The following EXOC6B variants were observed in gnomAD, a reference collection of about 807,000 sequenced individuals.
EXOC6B encodes exocyst complex component 6B.
Under a neutral mutation model 113.5 loss-of-function variants are expected in EXOC6B, and 54 were observed. That is an observed-to-expected ratio of 0.48 (90% CI 0.38 to 0.60). The LOEUF (loss-of-function observed/expected upper bound fraction) is 0.60. EXOC6B is among the 20% of genes least tolerant of loss of function. EXOC6B has a pLI of 0.00. For missense variants in EXOC6B, 797 were observed against 977.5 expected (o/e 0.82, Z 2.46); for synonymous variants, 357 against 339.0 (o/e 1.05, Z -0.58).
At chr2:72,593,988 T>C (rs1271354129) in intron 6 of EXOC6B, among the ~76,000 whole-genome samples, 1 of 152,164 alleles carries the variant, frequency 6.6e-6, no homozygotes, top group East Asian at 1.9e-4. Context: ...ATTGTTGTTG[T>C]TGCTGTTGTT....
chr2:72,769,279 CAAACAAAAGAGT>C lies in EXOC6B; in HGVS notation c.114-27822_114-27811del, dbSNP rs565335899. On this transcript the variant is annotated intron_variant, in intron 1 of 21. Transcript: ENST00000272427. ...AGAGATGGAGGAGGAAATGAAGAAT[CAAACAAAAGAGT>C]AAACATACATGAATGGTGACTCTAC... 1.6e-3 allele frequency among the ~76,000 whole-genome samples: 246 copies of C among 152,008 alleles called. 2 individuals carry two copies. Among genetic ancestry groups the C allele is most frequent in the African/African-American group, 3.1e-3 (129 of 41,464 alleles).
chr2:72,515,448 T>G, intron 8 of EXOC6B: 2 of 1,102,294 alleles, frequency 1.8e-6, no homozygotes, highest in South Asian at 3.3e-5. Context: ...TTCCATAAGT[T>G]ATGATAACAG....
intron 18 of EXOC6B, among the ~76,000 whole-genome samples, chr2:72,460,592 A>G (rs1697566564): frequency 6.6e-6 from 1 of 152,240 alleles, no homozygotes; most frequent in African/African-American, 2.4e-5. Context: ...ATGCAGCCAG[A>G]AAACACATGA....
At chr2:72,215,514 T>C (rs2104403205) in intron 20 of EXOC6B, among the ~76,000 whole-genome samples, 1 of 152,190 alleles carries the variant, frequency 6.6e-6, no homozygotes, top group South Asian at 2.1e-4. Flanking sequence ...AAAAACTTCA[T>C]AGGAAGTTGA....
chr2:72,390,926 C>G (rs1163667827), intron 18 of EXOC6B, among the ~76,000 whole-genome samples: 1 of 152,174 alleles, frequency 6.6e-6, no homozygotes, highest in African/African-American at 2.4e-5. Context: ...TCAGCCAAAG[C>G]CTCAAAAGAA....
At chr2:72,546,436 C>T (rs1702903038) in intron 8 of EXOC6B, among the ~76,000 whole-genome samples, 1 of 151,802 alleles carries the variant, frequency 6.6e-6, no homozygotes, top group African/African-American at 2.4e-5. Flanking sequence ...AGCGAGACTC[C>T]ATCTCCAAAA....
chr2:72,286,285 A>G (rs2109960), intron 20 of EXOC6B, among the ~76,000 whole-genome samples: 26,014 of 152,162 alleles, frequency 0.17, 2,443 homozygotes, highest in African/African-American at 0.23. Flanking sequence ...AATGTGGTAA[A>G]TCCAGACAAT....
intron 6 of EXOC6B, among the ~76,000 whole-genome samples, chr2:72,617,337 T>C (rs1212332227): frequency 2.6e-5 from 4 of 151,994 alleles, no homozygotes; most frequent in African/African-American, 9.7e-5. Flanking sequence ...CTCCACTAGG[T>C]GGTGTCCCAG....
intron 18 of EXOC6B, among the ~76,000 whole-genome samples, chr2:72,457,567 C>G (rs1297529178): frequency 6.6e-6 from 1 of 152,056 alleles, no homozygotes; most frequent in Non-Finnish European, 1.5e-5. Context: ...TTACTTGAGA[C>G]AGCATTTCCT....
In EXOC6B at chr2:72,547,969, C is replaced by T. The variant is rs117890127; in HGVS notation, c.915+11484G>A. On this transcript the variant is annotated intron_variant, in intron 8 of 21. Transcript: ENST00000272427. The stretch of plus-strand genomic sequence containing the variant: ...CTTACCTGCCCAAATCTAAACTGTA[C>T]GTGAATGTGAAGATTTAAACCATAT... Among the ~76,000 whole-genome samples, 685 of 152,188 alleles carry T rather than the reference C, an allele frequency of 4.5e-3. 29 individuals are homozygous for T. In the East Asian group the frequency reaches 0.1, roughly 23 times the overall value.
chr2:72,278,340 G>A (rs1355312631), intron 20 of EXOC6B, among the ~76,000 whole-genome samples: 2 of 152,166 alleles, frequency 1.3e-5, no homozygotes, highest in Admixed American at 1.3e-4. Flanking sequence ...AATGAGAAAT[G>A]TAGAGGGACA....
At chr2:72,547,219 A>G (rs190244238) in intron 8 of EXOC6B, among the ~76,000 whole-genome samples, 1 of 152,194 alleles carries the variant, frequency 6.6e-6, no homozygotes, top group East Asian at 1.9e-4. Flanking sequence ...ATCTTAGGGT[A>G]TTTTATAGTC....
chr2:72,417,415 C>T (rs1261987086), intron 18 of EXOC6B, among the ~76,000 whole-genome samples: 1 of 152,180 alleles, frequency 6.6e-6, no homozygotes, highest in Admixed American at 6.5e-5. Flanking sequence ...GCCTTGGCCT[C>T]CCAAAGTGCT....
At chr2:72,805,895 T>C (rs547679990) in intron 1 of EXOC6B, among the ~76,000 whole-genome samples, 3 of 152,340 alleles carry the variant, frequency 2.0e-5, no homozygotes, top group Admixed American at 6.5e-5. Context: ...TCTCTTTCTG[T>C]GCCTGGCTTC....
rs368391526 is a variant in EXOC6B at position 72,819,061 on chromosome 2, CCA to C, written c.113+6735_113+6736del. Reference sequence around the variant, plus strand: ...TGTCTATATTGCTGCCTGCTGTACCCCAGAGCCTGGAAGAGTATCTGGCACAT... The same window carrying C: ...TGTCTATATTGCTGCCTGCTGTACCCGAGCCTGGAAGAGTATCTGGCACAT... On this transcript the variant is annotated intron_variant, in intron 1 of 21. Transcript: ENST00000272427. Among the ~76,000 whole-genome samples, 44 of 152,210 alleles carry C rather than the reference CCA, an allele frequency of 2.9e-4. No individual in the cohort carries two copies. The East Asian group carries it at 8.5e-3, about 29-fold the overall frequency.
At chr2:72,805,576 T>C (rs770627823) in intron 1 of EXOC6B, among the ~76,000 whole-genome samples, 16 of 152,206 alleles carry the variant, frequency 1.1e-4, no homozygotes, top group Non-Finnish European at 2.1e-4. Flanking sequence ...GTATACATTG[T>C]GAAATGATTA....
chr2:72,266,864 G>A (rs1219114928), intron 20 of EXOC6B, among the ~76,000 whole-genome samples: 1 of 152,220 alleles, frequency 6.6e-6, no homozygotes, highest in African/African-American at 2.4e-5. Flanking sequence ...CCATTTTCAC[G>A]ATATTCATTC....
In EXOC6B at chr2:72,528,632, T is replaced by C. The variant is rs533584428; in HGVS notation, c.916-13506A>G. Among the ~76,000 whole-genome samples the C allele has an allele frequency of 9.2e-5, 14 of 152,192 alleles. No homozygotes were observed. The East Asian group carries it at 1.2e-3, about 13-fold the overall frequency. On this transcript the variant is annotated intron_variant, in intron 8 of 21. Coordinates refer to ENST00000272427, the MANE Select transcript of EXOC6B (RefSeq NM_015189.3). Reference sequence around the variant, plus strand: ...AATCTTTGTAAAAACCTAGGAAAAATTGGTATCTTTACTGTGTTAAGTCTT... The same window carrying C: ...AATCTTTGTAAAAACCTAGGAAAAACTGGTATCTTTACTGTGTTAAGTCTT...
chr2:72,306,964 T>C (rs1006977956), intron 20 of EXOC6B, among the ~76,000 whole-genome samples: 2 of 152,160 alleles, frequency 1.3e-5, no homozygotes, highest in African/African-American at 2.4e-5. Flanking sequence ...ATCATACCTT[T>C]TAGGATCAGG....
Sources: gnomAD v4.1 joint callset for allele counts (sites outside exome capture counted in the v4.1 genomes callset) on GRCh38, gnomAD v4.1.1 for gene constraint, MANE v1.5 for transcripts, NCBI Gene and HGNC (gene_info 2026-07-23, HGNC 2026-07-21) for gene names.